The following MGAM2 variants were observed in gnomAD, a reference collection of about 807,000 sequenced individuals.
The protein encoded by MGAM2 is probable maltase-glucoamylase 2.
In MGAM2, 98 loss-of-function variants were observed where a neutral mutation model predicts 96.1. The observed-to-expected ratio is 1.02, with a 90% CI of 0.87 to 1.21. The LOEUF (loss-of-function observed/expected upper bound fraction) is 1.21, where lower values mean the gene tolerates loss of function less well. Ranked by LOEUF, MGAM2 falls within the 50% of genes most tolerant of loss-of-function variation. MGAM2 has a pLI of 0.00. For missense variants in MGAM2, 2,055 were observed against 1,182.4 expected, an observed-to-expected ratio of 1.74 and a Z score of -10.82; for synonymous variants, 749 against 414.8, an observed-to-expected ratio of 1.81 and a Z score of -9.79.
intron 45 of MGAM2, among the ~76,000 whole-genome samples, chr7:142,203,882 T>C (rs910504397): frequency 6.6e-6 from 1 of 152,124 alleles, no homozygotes; most frequent in African/African-American, 2.4e-5. Context: ...GACCTCAAAC[T>C]ATAAAAATCC....
intron 27 of MGAM2, among the ~76,000 whole-genome samples, chr7:142,170,447 T>A (rs1049157772): frequency 3.9e-5 from 6 of 152,214 alleles, no homozygotes; most frequent in African/African-American, 1.2e-4. Context: ...AAGTATTGTT[T>A]GATTTCAGAG....
At chr7:142,144,049 G>A (rs1795314419) in intron 13 of MGAM2, 167 bp downstream of exon 13, 1 of 469,220 alleles carries the variant, frequency 2.1e-6, no homozygotes, top group Non-Finnish European at 3.8e-6. Flanking sequence ...CAGTGAATTA[G>A]GCTCCTAAGA....
At chr7:142,111,998 CTGTGTGTGTGTGTGTGTGTGTG>C (rs57967255) in intron 1 of MGAM2, among the ~76,000 whole-genome samples, 191 bp downstream of exon 1, 7 of 133,690 alleles carry the variant, frequency 5.2e-5, no homozygotes, top group African/African-American at 1.7e-4. Flanking sequence ...AGAGGAGAGA[CTGTGTGTGTGTGTGTGTGTGTG>C]TGTGTGTGTG....
intron 8 of MGAM2, among the ~76,000 whole-genome samples, chr7:142,136,908 G>C (rs1795076567): frequency 6.6e-6 from 1 of 152,026 alleles, no homozygotes; most frequent in African/African-American, 2.4e-5. Flanking sequence ...TCCACTGATA[G>C]ACGCATTCCA....
In MGAM2 at chr7:142,199,942, T is replaced by A; in HGVS notation, c.5111T>A (p.Val1704Glu). The A allele has an allele frequency of 1.4e-6, 1 of 692,882 alleles. No homozygotes were observed. The highest frequency in any genetic ancestry group is 2.6e-6 in the Non-Finnish European group (1 of 379,904). The allele number at this position is 692,882 out of a possible 1,614,324, so 42.9% of individuals were successfully genotyped here. A position where few individuals can be genotyped will look rare whatever the true frequency, so the allele number is the denominator to read the frequency against. Residue 1704 changes from valine to glutamate, a missense_variant, in exon 45 of 48, where the codon GTG (valine) becomes GAG (glutamate). Physicochemically the swap from Val to Glu is moderately radical, Grantham distance 121. Coordinates refer to ENST00000477922, the MANE Select transcript of MGAM2 (RefSeq NM_001293626.2). The part of the protein sequence containing the change: ...LDDNGTAEGQ[V>E]FWDDGQSIDT... ...GACAATGGGACAGCTGAAGGCCAGG[T>A]GTTCTGGGATGATGGACAAAGCATT...
At chr7:142,166,986 C>T (rs746433158) in intron 25 of MGAM2, among the ~76,000 whole-genome samples, 1 of 152,200 alleles carries the variant, frequency 6.6e-6, no homozygotes, top group Non-Finnish European at 1.5e-5. Context: ...ATGTCTATCT[C>T]TGTGTCCAAA....
chr7:142,207,462 G>C (rs1585218616), intron 45 of MGAM2, among the ~76,000 whole-genome samples: 1 of 151,886 alleles, frequency 6.6e-6, no homozygotes, highest in East Asian at 1.9e-4. Flanking sequence ...GTCTCACTCT[G>C]TCGCCCAGGC....
chr7:142,159,484 G>T (rs1205620902), intron 20 of MGAM2, 141 bp downstream of exon 20: 4 of 606,906 alleles, frequency 6.6e-6, no homozygotes, highest in Non-Finnish European at 8.9e-6. Context: ...TGTGAGAAAG[G>T]CATCTTAGTT....
chr7:142,152,171 TAA>T lies in MGAM2; in HGVS notation c.1635-1833_1635-1832del, dbSNP rs35193680. Among the ~76,000 whole-genome samples, 442 of 145,346 alleles carry T rather than the reference TAA, an allele frequency of 3.0e-3. 5 individuals are homozygous for T. The East Asian group carries it at 0.032, about 10-fold the overall frequency. On this transcript the variant is annotated intron_variant, in intron 15 of 47. Coordinates refer to ENST00000477922, the MANE Select transcript of MGAM2 (RefSeq NM_001293626.2). ...AGTAAGACTGTTCCTTTAAGATGTT[TAA>T]AAAAAAAAAAAAACCCAGCAGTTAT...
intron 13 of MGAM2, among the ~76,000 whole-genome samples, chr7:142,144,351 T>A (rs1024761350): frequency 6.6e-6 from 1 of 152,334 alleles, no homozygotes; most frequent in South Asian, 2.1e-4. Flanking sequence ...CTCTGATGAA[T>A]AAGATGTGCA....
chr7:142,150,139 C>G (rs1197271236), intron 15 of MGAM2, among the ~76,000 whole-genome samples: 1 of 151,976 alleles, frequency 6.6e-6, no homozygotes, highest in Admixed American at 6.5e-5. Flanking sequence ...CGGGGTTTCT[C>G]CATGTTGGTC....
At chr7:142,214,242 C>T (rs1335792893) in intron 46 of MGAM2, among the ~76,000 whole-genome samples, 6 of 152,028 alleles carry the variant, frequency 3.9e-5, no homozygotes, top group South Asian at 2.1e-4. Flanking sequence ...CTTTGAAAAC[C>T]GGCACAAGAC....
chr7:142,176,024 C>T (rs745887526), intron 32 of MGAM2, among the ~76,000 whole-genome samples: 4 of 150,930 alleles, frequency 2.7e-5, no homozygotes, highest in Non-Finnish European at 5.9e-5. Context: ...TTTTCCATAA[C>T]TGTCACTGGA....
chr7:142,146,466 G>A (rs973128782), intron 14 of MGAM2, among the ~76,000 whole-genome samples: 2 of 151,920 alleles, frequency 1.3e-5, no homozygotes, highest in South Asian at 2.1e-4. Flanking sequence ...GTTATACTGC[G>A]TAGGAAAAAC....
intron 17 of MGAM2, among the ~76,000 whole-genome samples, chr7:142,156,690 G>A (rs1795745482): frequency 6.6e-6 from 1 of 152,090 alleles, no homozygotes; most frequent in Non-Finnish European, 1.5e-5. Context: ...GTTTTCATGA[G>A]CCCTACACTG....
intron 3 of MGAM2, among the ~76,000 whole-genome samples, chr7:142,123,967 T>TA (rs1275220054): frequency 8.5e-6 from 1 of 117,598 alleles, no homozygotes; most frequent in Non-Finnish European, 1.8e-5. Flanking sequence ...CAGAAACTTT[T>TA]TTTTTTTTTT....
chr7:142,207,728 C>G (rs879570738), intron 45 of MGAM2, among the ~76,000 whole-genome samples: 3 of 151,980 alleles, frequency 2.0e-5, no homozygotes, highest in Admixed American at 6.6e-5. Context: ...CGCGCCCAGC[C>G]CAGCAAAGGC....
intron 37 of MGAM2, among the ~76,000 whole-genome samples, chr7:142,190,836 A>G (rs1248734396): frequency 6.6e-6 from 1 of 151,618 alleles, no homozygotes; most frequent in Non-Finnish European, 1.5e-5. Flanking sequence ...CATTTTTTTT[A>G]ATTATTATTG....
intron 3 of MGAM2, among the ~76,000 whole-genome samples, chr7:142,121,917 TG>T (rs1794585698): frequency 6.6e-6 from 1 of 152,110 alleles, no homozygotes; most frequent in Admixed American, 6.5e-5. Context: ...TGATGATGGT[TG>T]GCAACCCTTA....
Sources: gnomAD v4.1 joint callset for allele counts (sites outside exome capture counted in the v4.1 genomes callset) on GRCh38, gnomAD v4.1.1 for gene constraint, MANE v1.5 for transcripts, NCBI Gene and HGNC (gene_info 2026-07-23, HGNC 2026-07-21) for gene names.